CARS1: variants seen among roughly 807,000 people sequenced by gnomAD.
CARS1 encodes the protein cysteine--tRNA ligase, cytoplasmic.
CARS1 carries 48 observed loss-of-function variants against 106.2 expected under a neutral mutation model. The observed-to-expected ratio is 0.45, with a 90% CI of 0.36 to 0.57. The LOEUF is 0.57. CARS1 is among the 20% of genes least tolerant of loss of function. CARS1 has a pLI of 0.00. For synonymous variants in CARS1, 409 were observed against 403.4 expected, an observed-to-expected ratio of 1.01 and a Z score of -0.17; for missense variants, 968 against 1,057.2, an observed-to-expected ratio of 0.92 and a Z score of 1.17.
In CARS1 at chr11:3,045,027, ACC is replaced by A. The variant is rs960148560; in HGVS notation, c.274+2724_274+2725del. 2.0e-5 allele frequency among the ~76,000 whole-genome samples: 3 copies of A among 152,024 alleles called. No homozygotes were observed. The highest frequency in any genetic ancestry group is 4.4e-5 in the Non-Finnish European group (3 of 68,006). On this transcript the variant is annotated intron_variant, in intron 2 of 22. Transcript: ENST00000380525. The surrounding 1 kb of genome is among the most constrained non-coding windows in gnomAD (Gnocchi z 5.6). ...AAACTATGGCCTCGGCGTCTGACAGACCCACACCCTCCTCAGTGAAGGGTATA... is the reference window on the plus strand; with the variant it reads ...AAACTATGGCCTCGGCGTCTGACAGACACACCCTCCTCAGTGAAGGGTATA...
intron 18 of CARS1, 29 bp from the exon 19 acceptor site, chr11:3,006,988 G>A (rs1254847383): frequency 1.3e-6 from 2 of 1,582,518 alleles, no homozygotes; most frequent in Non-Finnish European, 1.7e-6. Flanking sequence ...AGTTCCCTCA[G>A]ACATGGAGGA....
chr11:3,051,394 T>G (rs1017734911), intron 1 of CARS1, among the ~76,000 whole-genome samples: 1 of 152,130 alleles, frequency 6.6e-6, no homozygotes, highest in Non-Finnish European at 1.5e-5. Context: ...GGCTTCCCTC[T>G]GAGAAGAAGG....
At position 3,039,814 on chromosome 11, in the gene CARS1, A is replaced by C. The variant is rs573126566; in HGVS notation, c.552+21T>G. ...CACCATCCAATTGCATTTAAAATTT[A>C]ATCTTACAAATTCCCTTTACCTTGT... On this transcript the variant is annotated intron_variant, in intron 5 of 22. Transcript: ENST00000380525. This position sits in a 1 kb window ranked among gnomAD's most constrained non-coding sequence, Gnocchi z 5.6. 1 of 1,267,060 alleles carries C rather than the reference A, an allele frequency of 7.9e-7. No individual in the cohort carries two copies. The highest frequency in any genetic ancestry group is 1.1e-6 in the Non-Finnish European group (1 of 896,652). The allele number at this position is 1,267,060 out of a possible 1,614,324, so 78.5% of individuals were successfully genotyped here.
rs112712181 is a variant in CARS1 at position 3,055,939 on chromosome 11, G to T, written c.25+1404C>A. ...CAGAGTTGGAACCCTGGCCCTTCCAGGGTGGTTCCAGAGTTGGGGCTGTTA... is the reference window on the plus strand; with the variant it reads ...CAGAGTTGGAACCCTGGCCCTTCCATGGTGGTTCCAGAGTTGGGGCTGTTA... On this transcript the variant is annotated intron_variant, in intron 1 of 22. Coordinates refer to ENST00000380525, the MANE Select transcript of CARS1 (RefSeq NM_001014437.3). Among the ~76,000 whole-genome samples, 287 of 152,322 alleles carry T rather than the reference G, an allele frequency of 1.9e-3. 1 individual carries two copies. Among genetic ancestry groups the T allele is most frequent in the African/African-American group, 6.7e-3 (278 of 41,572 alleles).
At chr11:3,012,857 A>T (rs1392012687) in intron 17 of CARS1, among the ~76,000 whole-genome samples, 2 of 149,698 alleles carry the variant, frequency 1.3e-5, no homozygotes, top group African/African-American at 4.9e-5. Flanking sequence ...TGGCCACAGG[A>T]TAGAAAAACC....
chr11:3,021,877 T>G lies in CARS1; in HGVS notation c.1154-1545A>C, dbSNP rs961618536. On this transcript the variant is annotated intron_variant, in intron 10 of 22. Transcript: ENST00000380525. The surrounding 1 kb of genome is among the most constrained non-coding windows in gnomAD (Gnocchi z 5.3). The stretch of plus-strand genomic sequence containing the variant: ...GCCCATGACATTCGCTTTTAGATGC[T>G]CTTTGATAGAAAATATACATTCACG... Among the ~76,000 whole-genome samples the G allele has an allele frequency of 1.3e-5, 2 of 152,250 alleles. No individual in the cohort carries two copies. The highest frequency in any genetic ancestry group is 2.9e-5 in the Non-Finnish European group (2 of 68,052).
intron 10 of CARS1, among the ~76,000 whole-genome samples, chr11:3,025,751 A>C (rs1851996497): frequency 6.6e-6 from 1 of 152,192 alleles, no homozygotes; most frequent in African/African-American, 2.4e-5. Context: ...AGAAAACACC[A>C]ACGAAAGGGT....
intron 16 of CARS1, among the ~76,000 whole-genome samples, chr11:3,016,507 G>A (rs1851028448): frequency 1.3e-5 from 2 of 152,166 alleles, no homozygotes; most frequent in South Asian, 2.1e-4. Flanking sequence ...ACAGGCGTGA[G>A]CCACAGCGCC....
intron 1 of CARS1, among the ~76,000 whole-genome samples, chr11:3,056,096 C>G (rs1042033923): frequency 6.6e-6 from 1 of 152,222 alleles, no homozygotes; most frequent in Non-Finnish European, 1.5e-5. Context: ...TGACCACCTC[C>G]TGCCACTTGG....
rs1470077949 is a variant in CARS1, at chr11:3,037,461, AGGC to A, written c.801+586_801+588del. On this transcript the variant is annotated intron_variant, in intron 7 of 22. Coordinates refer to ENST00000380525, the MANE Select transcript of CARS1 (RefSeq NM_001014437.3). This position sits in a 1 kb window ranked among gnomAD's most constrained non-coding sequence, Gnocchi z 5.9. ...ATCGAGTTCTTAAAGGGTGACCAGC[AGGC>A]GGCGCTGGCACAAAGGAGAAGGCCT... 1.3e-5 allele frequency among the ~76,000 whole-genome samples: 2 copies of A among 152,216 alleles called. No individual in the cohort carries two copies. The highest frequency in any genetic ancestry group is 4.8e-5 in the African/African-American group (2 of 41,462).
chr11:3,012,256 G>C lies in CARS1; in HGVS notation c.2007C>G (p.Pro669=). The change falls in exon 18 of 23, where the codon CCC becomes CCG. Residue 669 remains proline, a synonymous_variant. Coordinates refer to ENST00000380525, the MANE Select transcript of CARS1 (RefSeq NM_001014437.3). ...GGAATTCTGATAACACCTGAAGGTA[G>C]GGCATGACTGTGGCCTCGAGCTGCG... ...TSLSLEATVM[P]YLQVLSEFRE... 1 of 1,614,232 alleles carries C rather than the reference G, an allele frequency of 6.2e-7. No individual in the cohort carries two copies. Among genetic ancestry groups the C allele is most frequent in the Non-Finnish European group, 8.5e-7 (1 of 1,180,022 alleles).
chr11:3,026,651 A>G (rs750495536), intron 10 of CARS1, 25 bp downstream of exon 10: 3 of 1,611,432 alleles, frequency 1.9e-6, no homozygotes, highest in Non-Finnish European at 2.5e-6. Context: ...GAGAGCCCAC[A>G]TGCTCTCAGG....
intron 1 of CARS1, among the ~76,000 whole-genome samples, chr11:3,051,447 G>A (rs572114920): frequency 1.3e-4 from 20 of 152,294 alleles, no homozygotes; most frequent in African/African-American, 4.1e-4. Context: ...AGCTGGAGAT[G>A]AGATCAGGGA....
In CARS1 at chr11:3,001,109, C is replaced by A. The variant is rs1849359658; in HGVS notation, c.*5G>T. On this transcript the variant is annotated 3_prime_UTR_variant, in exon 23 of 23. Transcript: ENST00000380525. ...AATGGTTTAAAAAGTCAGTCCTGTG[C>A]CCCCTCACTGGAAGCTTCCATTCTG... is the stretch of plus-strand genomic sequence containing the variant. 1.9e-6 allele frequency: 3 copies of A among 1,613,738 alleles called. No individual in the cohort carries two copies. The highest frequency in any genetic ancestry group is 2.5e-6 in the Non-Finnish European group (3 of 1,179,974).
chr11:3,049,939 T>C (rs948215774), intron 1 of CARS1, among the ~76,000 whole-genome samples: 4 of 152,118 alleles, frequency 2.6e-5, no homozygotes, highest in Admixed American at 6.5e-5. Context: ...AAGCCCTTCG[T>C]GTCAGGCCAA....
rs1245574179 is a variant in CARS1, at chr11:3,050,633, C to T, written c.26-2632G>A. 6.6e-6 allele frequency among the ~76,000 whole-genome samples: 1 copy of T among 152,238 alleles called. No homozygotes were observed. Among genetic ancestry groups the T allele is most frequent in the Admixed American group, 6.5e-5 (1 of 15,286 alleles). On this transcript the variant is annotated intron_variant, in intron 1 of 22. Coordinates refer to ENST00000380525, the MANE Select transcript of CARS1 (RefSeq NM_001014437.3). This position sits in a 1 kb window ranked among gnomAD's most constrained non-coding sequence, Gnocchi z 6.3. Reference sequence around the variant, plus strand: ...CCCAACACCCACCTCGCCAGCAGCACAAGCCTGTCCTCATGCTGGCCATGG... The same window carrying T: ...CCCAACACCCACCTCGCCAGCAGCATAAGCCTGTCCTCATGCTGGCCATGG...
chr11:3,040,270 T>C lies in CARS1; in HGVS notation c.456-339A>G, dbSNP rs545883651. Among the ~76,000 whole-genome samples the C allele has an allele frequency of 5.3e-5, 8 of 152,238 alleles. No individual in the cohort carries two copies. The highest frequency in any genetic ancestry group is 8.8e-5 in the Non-Finnish European group (6 of 68,040). ...ATGTGTTCATTGACTGGCATGCTATTGGTCAACAGGAGGCTATTTTAGTGG... is the reference window on the plus strand; with the variant it reads ...ATGTGTTCATTGACTGGCATGCTATCGGTCAACAGGAGGCTATTTTAGTGG... On this transcript the variant is annotated intron_variant, in intron 4 of 22. Coordinates refer to ENST00000380525, the MANE Select transcript of CARS1 (RefSeq NM_001014437.3). The surrounding 1 kb of genome is among the most constrained non-coding windows in gnomAD (Gnocchi z 5.8).
rs1279315076 is a variant in CARS1 at position 3,008,640 on chromosome 11, A to G, written c.2069-1681T>C. On this transcript the variant is annotated intron_variant, in intron 18 of 22. Coordinates refer to ENST00000380525, the MANE Select transcript of CARS1 (RefSeq NM_001014437.3). This position sits in a 1 kb window ranked among gnomAD's most constrained non-coding sequence, Gnocchi z 5.1. ...CTCAAAAAAAAAAAAAAAAAATTGC[A>G]TATCCTTGGGCTTCAAGGCCGCGCT... 10 of 151,458 alleles carry G rather than the reference A, an allele frequency of 6.6e-5. 1 individual carries two copies. The highest frequency in any genetic ancestry group is 3.4e-3 in the Middle Eastern group (1 of 294). The allele number at this position is 151,458 out of a possible 1,614,324, so 9.4% of individuals were successfully genotyped here. A position where few individuals can be genotyped will look rare whatever the true frequency, so the allele number is the denominator to read the frequency against.
rs1004001785 is a variant in CARS1 at position 3,040,040 on chromosome 11, C to A, written c.456-109G>T. The stretch of plus-strand genomic sequence containing the variant: ...GTGCATTTATATATGATTTTCTCTG[C>A]CATCCCTGAAACAGCAAGACCCCCC... On this transcript the variant is annotated intron_variant, in intron 4 of 22. Transcript: ENST00000380525. This position sits in a 1 kb window ranked among gnomAD's most constrained non-coding sequence, Gnocchi z 5.8. 3.3e-6 allele frequency: 2 copies of A among 602,292 alleles called. No homozygotes were observed. Among genetic ancestry groups the A allele is most frequent in the African/African-American group, 1.9e-5 (1 of 51,636 alleles). The allele number at this position is 602,292 out of a possible 1,614,324, so 37.3% of individuals were successfully genotyped here.
Sources: allele counts gnomAD v4.1 joint callset (sites outside exome capture counted in the v4.1 genomes callset), GRCh38; gene constraint gnomAD v4.1.1; non-coding constraint Gnocchi (gnomAD v3.1); transcripts MANE v1.5; gene names NCBI Gene and HGNC (gene_info 2026-07-23, HGNC 2026-07-21).